CCDC178: variants seen among roughly 807,000 people sequenced by gnomAD.
CCDC178 encodes the protein coiled-coil domain containing 178.
Under a neutral mutation model 117.4 loss-of-function variants are expected in CCDC178, and 126 were observed. The observed-to-expected ratio is 1.07, with a 90% CI of 0.93 to 1.24. The LOEUF (loss-of-function observed/expected upper bound fraction) is 1.24. Among genes scored for constraint, CCDC178 ranks in the 50% most tolerant of loss-of-function variants. The pLI, the probability that CCDC178 is intolerant of heterozygous loss-of-function variation, is 0.00. For synonymous variants in CCDC178, 283 were observed against 313.4 expected (o/e 0.90, Z 1.02); for missense variants, 1,030 against 986.9 (o/e 1.04, Z -0.59).
chr18:33,189,403 T>G (rs1480037370), intron 20 of CCDC178, among the ~76,000 whole-genome samples: 1 of 152,186 alleles, frequency 6.6e-6, no homozygotes, highest in Non-Finnish European at 1.5e-5. Context: ...TTGACATGAA[T>G]ATATTTGTAT....
At chr18:33,084,431 T>C (rs914254405) in intron 21 of CCDC178, among the ~76,000 whole-genome samples, 2 of 152,188 alleles carry the variant, frequency 1.3e-5, no homozygotes, top group Non-Finnish European at 1.5e-5. Context: ...ATATTAGGTA[T>C]TTCTGGGAAA....
chr18:32,947,267 T>C (rs758487043), intron 22 of CCDC178, among the ~76,000 whole-genome samples: 1 of 152,362 alleles, frequency 6.6e-6, no homozygotes, highest in Non-Finnish European at 1.5e-5. Flanking sequence ...GCATTAACTC[T>C]AAGAAACTGC....
At chr18:33,010,232 A>G (rs892495743) in intron 21 of CCDC178, among the ~76,000 whole-genome samples, 2 of 152,110 alleles carry the variant, frequency 1.3e-5, no homozygotes, top group Non-Finnish European at 2.9e-5. Flanking sequence ...TCCATGTGGA[A>G]GTTCCATTTC....
At chr18:33,322,530 C>T (rs12455467) in intron 11 of CCDC178, among the ~76,000 whole-genome samples, 40,560 of 151,384 alleles carry the variant, frequency 0.27, 5,729 homozygotes, top group East Asian at 0.49. Context: ...ATAAATTTTT[C>T]TCACGGAAAT....
chr18:33,330,556 G>A (rs1686173189), intron 10 of CCDC178, among the ~76,000 whole-genome samples: 1 of 152,104 alleles, frequency 6.6e-6, no homozygotes, highest in Non-Finnish European at 1.5e-5. Context: ...TAAAAGAAGG[G>A]CAGTCATTGC....
At chr18:33,154,773 C>T (rs920526332) in intron 20 of CCDC178, among the ~76,000 whole-genome samples, 90 of 152,136 alleles carry the variant, frequency 5.9e-4, no homozygotes, top group African/African-American at 2.1e-3. Flanking sequence ...ACAAAACTTG[C>T]ATTAAGACAT....
intron 15 of CCDC178, among the ~76,000 whole-genome samples, chr18:33,241,579 A>T (rs559599075): frequency 9.9e-5 from 15 of 151,766 alleles, no homozygotes; most frequent in South Asian, 6.2e-4. Context: ...ACAATGAACT[A>T]GCTGAAAAAA....
intron 20 of CCDC178, among the ~76,000 whole-genome samples, chr18:33,159,557 C>T (rs967746066): frequency 5.9e-5 from 9 of 152,078 alleles, no homozygotes; most frequent in Admixed American, 1.3e-4. Context: ...TATCATGTCA[C>T]CTTTTTCCTT....
intron 20 of CCDC178, among the ~76,000 whole-genome samples, chr18:33,106,195 G>A (rs1567991939): frequency 6.6e-6 from 1 of 151,446 alleles, no homozygotes; most frequent in Non-Finnish European, 1.5e-5. Flanking sequence ...TCCTTTCTTT[G>A]TCCTAGGTCA....
intron 21 of CCDC178, among the ~76,000 whole-genome samples, chr18:32,986,875 T>C (rs545586496): frequency 6.6e-6 from 1 of 152,142 alleles, no homozygotes; most frequent in African/African-American, 2.4e-5. Context: ...ACTCAGTATA[T>C]TGCATGATAG....
chr18:33,245,657 G>A (rs754748840), intron 14 of CCDC178, among the ~76,000 whole-genome samples: 34 of 151,778 alleles, frequency 2.2e-4, no homozygotes, highest in Admixed American at 4.6e-4. Flanking sequence ...AAGCATAAGA[G>A]CATCAATAAG....
intron 9 of CCDC178, among the ~76,000 whole-genome samples, chr18:33,336,162 A>G (rs141906210): frequency 6.6e-6 from 1 of 152,274 alleles, no homozygotes; most frequent in African/African-American, 2.4e-5. Flanking sequence ...TAAGAGAAAC[A>G]AACAACTTTC....
intron 21 of CCDC178, among the ~76,000 whole-genome samples, chr18:33,050,095 A>G (rs2056721255): frequency 6.6e-6 from 1 of 152,038 alleles, no homozygotes; most frequent in Non-Finnish European, 1.5e-5. Context: ...ATAAATAAAT[A>G]AATAAATAAT....
At position 33,226,817 on chromosome 18, in the gene CCDC178, T is replaced by C; in HGVS notation, c.1632A>G (p.Glu544=). 6.3e-7 allele frequency: 1 copy of C among 1,599,290 alleles called. No individual in the cohort carries two copies. The highest frequency in any genetic ancestry group is 8.5e-7 in the Non-Finnish European group (1 of 1,171,230). The change falls in exon 16 of 23, where the codon GAA becomes GAG. Residue 544 remains glutamate (E), a synonymous_variant. Transcript: ENST00000383096. ...EEFLKKLTQG[E]VAAGMVLQKK... is the part of the protein sequence containing the mutation. ...CCTGAAGCACCATTCCAGCAGCCAC[T>C]TCACCTTGAGTGAGTTTTTTCAGGA...
chr18:32,983,323 T>A, intron 21 of CCDC178: 2 of 1,531,774 alleles, frequency 1.3e-6, no homozygotes, highest in Non-Finnish European at 1.7e-6. Flanking sequence ...GCAGAGAGTT[T>A]GGAAGTTTCT....
At chr18:33,173,883 T>A (rs2058633427) in intron 20 of CCDC178, among the ~76,000 whole-genome samples, 1 of 152,176 alleles carries the variant, frequency 6.6e-6, no homozygotes, top group African/African-American at 2.4e-5. Context: ...AAAGTGATAA[T>A]CCTTGAAAAG....
chr18:33,291,091 T>C (rs2060160890), intron 12 of CCDC178, among the ~76,000 whole-genome samples: 1 of 152,084 alleles, frequency 6.6e-6, no homozygotes, highest in African/African-American at 2.4e-5. Context: ...TAGTTTCATC[T>C]AAAACTATCA....
intron 21 of CCDC178, among the ~76,000 whole-genome samples, chr18:32,976,588 C>T (rs2082752315): frequency 6.6e-6 from 1 of 152,040 alleles, no homozygotes; most frequent in Non-Finnish European, 1.5e-5. Flanking sequence ...ACATTTGTGT[C>T]AAGTAAACAT....
At chr18:33,362,241 T>C (rs1428845594) in intron 6 of CCDC178, among the ~76,000 whole-genome samples, 1 of 151,360 alleles carries the variant, frequency 6.6e-6, no homozygotes, top group African/African-American at 2.4e-5. Flanking sequence ...GGAGAGCCTG[T>C]TATTTGCCAC....
Sources: allele counts gnomAD v4.1 joint callset (sites outside exome capture counted in the v4.1 genomes callset), GRCh38; gene constraint gnomAD v4.1.1; transcripts MANE v1.5; gene names NCBI Gene and HGNC (gene_info 2026-07-23, HGNC 2026-07-21).